The following KPNA4 variants were observed in gnomAD, a reference collection of about 807,000 sequenced individuals.
The protein encoded by KPNA4 is karyopherin subunit alpha 4.
Under a neutral mutation model 71.3 loss-of-function variants are expected in KPNA4, and 13 were observed. The ratio of observed to expected loss-of-function variants is 0.18; its 90% CI spans 0.12 to 0.29. The LOEUF (loss-of-function observed/expected upper bound fraction) is 0.29. Among genes scored for constraint, KPNA4 ranks in the 10% least tolerant of loss-of-function variants. KPNA4 has a pLI of 1.00. For missense variants in KPNA4, 334 were observed against 603.2 expected (o/e 0.55, Z 4.67); for synonymous variants, 189 against 195.2 (o/e 0.97, Z 0.26).
Position 160,520,565 on chromosome 3 carries a change from A to G in KPNA4, c.903+1214T>C, listed in dbSNP as rs1055365925. ...CGTGAGCCACCATGTCCAGCCAATT[A>G]TATTAATTCTTTCTGTATTTAGCTA... On this transcript the variant is annotated intron_variant, in intron 11 of 16. Coordinates refer to ENST00000334256, the MANE Select transcript of KPNA4 (RefSeq NM_002268.5). Among the ~76,000 whole-genome samples the G allele has an allele frequency of 3.3e-5, 5 of 152,074 alleles. No individual in the cohort carries two copies. The South Asian group carries it at 6.2e-4, about 19-fold the overall frequency.
chr3:160,512,491 T>C (rs1721115800), intron 13 of KPNA4, among the ~76,000 whole-genome samples: 1 of 152,234 alleles, frequency 6.6e-6, no homozygotes, highest in African/African-American at 2.4e-5. Flanking sequence ...AAATGACTGA[T>C]AAGGACAAAG....
intron 15 of KPNA4, among the ~76,000 whole-genome samples, chr3:160,506,518 C>T (rs1720987018): frequency 6.6e-6 from 1 of 152,010 alleles, no homozygotes. Flanking sequence ...TCTCCAAAGG[C>T]TTCATTCCCC....
chr3:160,547,150 C>T, intron 1 of KPNA4, among the ~76,000 whole-genome samples: 1 of 152,284 alleles, frequency 6.6e-6, no homozygotes, highest in South Asian at 2.1e-4. Context: ...AATATACAAA[C>T]AAATTTCATG....
chr3:160,544,658 C>T (rs2108557071), intron 1 of KPNA4, among the ~76,000 whole-genome samples: 1 of 152,238 alleles, frequency 6.6e-6, no homozygotes, highest in Non-Finnish European at 1.5e-5. Context: ...GGAAAAGACA[C>T]TGAGAAAAAT....
intron 1 of KPNA4, among the ~76,000 whole-genome samples, chr3:160,546,070 A>ATGTAGTCCCAGCTACTCGGGAGGCT (rs1553787801): frequency 2.0e-5 from 3 of 152,172 alleles, no homozygotes; most frequent in Non-Finnish European, 2.9e-5. Context: ...AAAGAGGCTG[A>ATGTAGTCCCAGCTACTCGGGAGGCT]GACTAAAAAT....
At chr3:160,524,992 A>G (rs1394308734) in intron 10 of KPNA4, among the ~76,000 whole-genome samples, 2 of 152,182 alleles carry the variant, frequency 1.3e-5, no homozygotes, top group African/African-American at 4.8e-5. Flanking sequence ...GATTGTTGCT[A>G]AACATTTCAT....
At chr3:160,544,472 GA>G (rs1347630590) in intron 1 of KPNA4, among the ~76,000 whole-genome samples, 3 of 152,160 alleles carry the variant, frequency 2.0e-5, no homozygotes, top group East Asian at 3.9e-4. Flanking sequence ...GGTTATAAGG[GA>G]ATTGATCAAA....
intron 1 of KPNA4, among the ~76,000 whole-genome samples, chr3:160,544,360 A>G (rs1343730664): frequency 6.6e-6 from 1 of 152,226 alleles, no homozygotes; most frequent in East Asian, 1.9e-4. Flanking sequence ...AGAATCACTT[A>G]TAGAAGGCGA....
At chr3:160,512,134 GCTGAAATATGATC>G (rs1560044973) in intron 13 of KPNA4, among the ~76,000 whole-genome samples, 1 of 152,032 alleles carries the variant, frequency 6.6e-6, no homozygotes, top group Non-Finnish European at 1.5e-5. Flanking sequence ...CACCTTTATA[GCTGAAATATGATC>G]CTTAAACACC....
intron 12 of KPNA4, 136 bp from the exon 13 acceptor site, chr3:160,514,317 C>G: frequency 1.7e-6 from 1 of 578,104 alleles, no homozygotes; most frequent in Non-Finnish European, 2.9e-6. Flanking sequence ...TCAGGAATCT[C>G]AATTCCTTTA....
At chr3:160,516,408 CAAT>C (rs1237484575) in intron 11 of KPNA4, among the ~76,000 whole-genome samples, 4 of 144,876 alleles carry the variant, frequency 2.8e-5, no homozygotes. Context: ...AGAGAGGAGT[CAAT>C]AAACAAGAAG....
At chr3:160,564,875 G>C (rs1473981316) in intron 1 of KPNA4, among the ~76,000 whole-genome samples, 1 of 149,098 alleles carries the variant, frequency 6.7e-6, no homozygotes, top group Non-Finnish European at 1.5e-5. Context: ...GGCCCGGCCG[G>C]GGCAGCACCG....
At chr3:160,540,231 C>T (rs1192386404) in intron 1 of KPNA4, among the ~76,000 whole-genome samples, 1 of 152,044 alleles carries the variant, frequency 6.6e-6, no homozygotes, top group Non-Finnish European at 1.5e-5. Flanking sequence ...GAACTCCTGA[C>T]CTCATGATCC....
At chr3:160,554,703 T>C (rs1000693659) in intron 1 of KPNA4, among the ~76,000 whole-genome samples, 1 of 152,140 alleles carries the variant, frequency 6.6e-6, no homozygotes, top group Non-Finnish European at 1.5e-5. Flanking sequence ...GATCACCAAT[T>C]GTTAATGATT....
At position 160,531,211 on chromosome 3, in the gene KPNA4, T is replaced by A. The variant is rs1037000177; in HGVS notation, c.383+251A>T. ...TCCCCAAACAGTTTTCTCAAGTACC[T>A]ATCTGGTCAAACTAGTTCTTGCCAA... On this transcript the variant is annotated intron_variant, in intron 6 of 16. Coordinates refer to ENST00000334256, the MANE Select transcript of KPNA4 (RefSeq NM_002268.5). Among the ~76,000 whole-genome samples, 117 of 152,214 alleles carry A rather than the reference T, an allele frequency of 7.7e-4. 1 individual carries two copies. The highest frequency in any genetic ancestry group is 3.9e-4 in the Admixed American group (6 of 15,278).
intron 1 of KPNA4, among the ~76,000 whole-genome samples, chr3:160,554,058 T>C (rs1031011274): frequency 1.3e-4 from 20 of 152,172 alleles, no homozygotes; most frequent in Non-Finnish European, 1.9e-4. Flanking sequence ...GCTTAACAAA[T>C]GAATTCAATA....
At chr3:160,521,982 C>G in intron 10 of KPNA4, 72 bp from the exon 11 acceptor site, 2 of 1,363,686 alleles carry the variant, frequency 1.5e-6, no homozygotes, top group Non-Finnish European at 2.0e-6. Flanking sequence ...ACCAAACAAC[C>G]ATTCTAAAAT....
At chr3:160,503,933 A>G (rs186525240) in intron 16 of KPNA4, among the ~76,000 whole-genome samples, 131 of 152,288 alleles carry the variant, frequency 8.6e-4, no homozygotes, top group Non-Finnish European at 1.4e-3. Context: ...AGACTTAAAA[A>G]GTTATCCGGG....
intron 11 of KPNA4, among the ~76,000 whole-genome samples, chr3:160,520,908 T>C (rs1721335340): frequency 6.6e-6 from 1 of 152,224 alleles, no homozygotes; most frequent in Non-Finnish European, 1.5e-5. Context: ...GTCTCCCCCA[T>C]TACAACTGTA....
Sources: gnomAD v4.1 joint callset for allele counts (sites outside exome capture counted in the v4.1 genomes callset) on GRCh38, gnomAD v4.1.1 for gene constraint, MANE v1.5 for transcripts, NCBI Gene and HGNC (gene_info 2026-07-23, HGNC 2026-07-21) for gene names.